The following LHFPL2 variants were observed in gnomAD, a reference collection of about 807,000 sequenced individuals.
LHFPL2 encodes LHFPL tetraspan subfamily member 2.
Under a neutral mutation model 17.5 loss-of-function variants are expected in LHFPL2, and 7 were observed. The observed-to-expected ratio is 0.40, with a 90% confidence interval of 0.23 to 0.75. The LOEUF is 0.75. Ranked by LOEUF, LHFPL2 falls within the 30% of genes least tolerant of loss-of-function variation. The pLI, the probability that LHFPL2 is intolerant of heterozygous loss-of-function variation, is 0.37. For missense variants in LHFPL2, 241 were observed against 294.8 expected, an observed-to-expected ratio of 0.82 and a Z score of 1.34; for synonymous variants, 134 against 116.2, an observed-to-expected ratio of 1.15 and a Z score of -0.99.
Position 78,510,077 on chromosome 5 carries a change from G to A in LHFPL2, c.137C>T (p.Pro46Leu), listed in dbSNP as rs746462520. 4.3e-6 allele frequency: 7 copies of A among 1,612,338 alleles called. No individual in the cohort carries two copies. Among genetic ancestry groups the A allele is most frequent in the Non-Finnish European group, 5.9e-6 (7 of 1,179,224 alleles). Residue 46 changes from proline (P) to leucine (L), a missense_variant, in exon 4 of 5, where the codon CCG (proline) becomes CTG (leucine). Physicochemically the swap from Pro to Leu is moderately conservative, Grantham distance 98 (BLOSUM62 -3). Coordinates refer to ENST00000380345, the MANE Select transcript of LHFPL2 (RefSeq NM_005779.3). Reference protein sequence around the residue: ...GKARSRGGVEPAGPGGGSPEP... With the variant: ...GKARSRGGVELAGPGGGSPEP... Reference sequence around the variant, plus strand: ...CGGGGAGCCCCCGCCCGGGCCCGCCGGCTCCACGCCGCCGCGGCTCCTCGC... The same window carrying A: ...CGGGGAGCCCCCGCCCGGGCCCGCCAGCTCCACGCCGCCGCGGCTCCTCGC...
chr5:78,551,547 T>C (rs1756442040), intron 3 of LHFPL2, among the ~76,000 whole-genome samples: 1 of 152,054 alleles, frequency 6.6e-6, no homozygotes, highest in Non-Finnish European at 1.5e-5. Context: ...TCTAACAAGG[T>C]AGCTATTCAA....
chr5:78,568,258 C>T (rs894109764), intron 2 of LHFPL2, among the ~76,000 whole-genome samples: 1 of 152,188 alleles, frequency 6.6e-6, no homozygotes, highest in African/African-American at 2.4e-5. Context: ...AAAGTAGGCA[C>T]TGTTTATTCC....
At chr5:78,570,857 A>G (rs1756982124) in intron 2 of LHFPL2, among the ~76,000 whole-genome samples, 2 of 152,070 alleles carry the variant, frequency 1.3e-5, no homozygotes, top group African/African-American at 4.8e-5. Context: ...GCAGTGAATA[A>G]CTTGGGCTGT....
chr5:78,537,861 C>A (rs570974352), intron 3 of LHFPL2, among the ~76,000 whole-genome samples: 1 of 152,070 alleles, frequency 6.6e-6, no homozygotes, highest in Non-Finnish European at 1.5e-5. Context: ...ATATAAAATG[C>A]GAAAGCTTCT....
chr5:78,580,914 T>C (rs968606551), intron 2 of LHFPL2, among the ~76,000 whole-genome samples: 78 of 152,340 alleles, frequency 5.1e-4, no homozygotes, highest in Non-Finnish European at 9.4e-4. Context: ...GGGGATGGCA[T>C]TGAATCTACA....
intron 3 of LHFPL2, among the ~76,000 whole-genome samples, chr5:78,552,067 T>TC (rs1428115353): frequency 6.6e-6 from 1 of 152,172 alleles, no homozygotes; most frequent in African/African-American, 2.4e-5. Context: ...CTGAAGGCAC[T>TC]CGTGTATACG....
intron 3 of LHFPL2, among the ~76,000 whole-genome samples, chr5:78,561,319 T>C (rs967303965): frequency 7.9e-5 from 12 of 152,248 alleles, no homozygotes; most frequent in African/African-American, 2.2e-4. Flanking sequence ...ACTAGTCATA[T>C]GTCAAGTGCT....
intron 2 of LHFPL2, among the ~76,000 whole-genome samples, chr5:78,623,450 T>C (rs938319680): frequency 3.9e-5 from 6 of 152,192 alleles, no homozygotes; most frequent in Non-Finnish European, 7.3e-5. Flanking sequence ...TAGACCCCCA[T>C]AGATTGCTTT....
At chr5:78,530,437 G>A (rs1467385131) in intron 3 of LHFPL2, among the ~76,000 whole-genome samples, 1 of 152,210 alleles carries the variant, frequency 6.6e-6, no homozygotes, top group Non-Finnish European at 1.5e-5. Context: ...CATCCCAAGA[G>A]ATTTGTCTAC....
rs1400318509 is a variant in LHFPL2 at position 78,487,634 on chromosome 5, A to G, written c.*1263T>C. The G allele has an allele frequency of 1.3e-5, 2 of 152,168 alleles. No homozygotes were observed. The highest frequency in any genetic ancestry group is 4.8e-5 in the African/African-American group (2 of 41,434). 9.4% of individuals were successfully genotyped at this position (152,168 alleles called of 1,614,324 possible). A position where few individuals can be genotyped will look rare whatever the true frequency, so the allele number is the denominator to read the frequency against. Reference sequence around the variant, plus strand: ...AATCAGTGATATTGGTAATTTATGGAAAGTAGATTAAAAACCCCTGAATCC... The same window carrying G: ...AATCAGTGATATTGGTAATTTATGGGAAGTAGATTAAAAACCCCTGAATCC... On this transcript the variant is annotated 3_prime_UTR_variant, in exon 5 of 5. Transcript: ENST00000380345.
At chr5:78,632,775 T>C (rs1341828012) in intron 1 of LHFPL2, among the ~76,000 whole-genome samples, 3 of 152,142 alleles carry the variant, frequency 2.0e-5, no homozygotes, top group African/African-American at 7.2e-5. Flanking sequence ...ATGCAGCTGA[T>C]AGGAGCTGAA....
intron 4 of LHFPL2, among the ~76,000 whole-genome samples, chr5:78,500,812 A>AG: frequency 6.6e-6 from 1 of 152,170 alleles, no homozygotes; most frequent in Non-Finnish European, 1.5e-5. Flanking sequence ...TTCAGTGATG[A>AG]CCAGTTCTGA....
At chr5:78,559,712 G>T (rs1756672932) in intron 3 of LHFPL2, among the ~76,000 whole-genome samples, 1 of 152,178 alleles carries the variant, frequency 6.6e-6, no homozygotes, top group South Asian at 2.1e-4. Flanking sequence ...AAAGGGAGAA[G>T]GTTGTTACAC....
intron 3 of LHFPL2, among the ~76,000 whole-genome samples, chr5:78,547,137 C>A (rs888046061): frequency 2.0e-5 from 3 of 152,132 alleles, no homozygotes; most frequent in African/African-American, 7.2e-5. Context: ...GGGCGCTGAT[C>A]TAAACCATCC....
intron 1 of LHFPL2, among the ~76,000 whole-genome samples, chr5:78,636,024 A>ACACACACACG (rs1184191247): frequency 6.7e-6 from 1 of 148,548 alleles, no homozygotes; most frequent in African/African-American, 2.5e-5. Flanking sequence ...ACACACGCGC[A>ACACACACACG]CACAAACACC....
chr5:78,623,904 C>CA (rs1744945758), intron 2 of LHFPL2, among the ~76,000 whole-genome samples: 1 of 152,192 alleles, frequency 6.6e-6, no homozygotes, highest in Non-Finnish European at 1.5e-5. Flanking sequence ...ATATCAGTGC[C>CA]AAAAAACAGC....
intron 3 of LHFPL2, among the ~76,000 whole-genome samples, chr5:78,557,175 T>C (rs344651): frequency 0.17 from 26,311 of 152,168 alleles, 2,684 homozygotes; most frequent in East Asian, 0.48. Flanking sequence ...TGCTTTAAGA[T>C]GTGCAGATGA....
intron 2 of LHFPL2, among the ~76,000 whole-genome samples, chr5:78,592,046 C>A (rs1354782191): frequency 6.6e-6 from 1 of 152,178 alleles, no homozygotes; most frequent in Non-Finnish European, 1.5e-5. Flanking sequence ...TGGTTCCCTT[C>A]AACTCATTTT....
intron 2 of LHFPL2, among the ~76,000 whole-genome samples, chr5:78,601,901 T>C (rs1193138215): frequency 2.6e-5 from 4 of 152,148 alleles, no homozygotes; most frequent in Non-Finnish European, 5.9e-5. Context: ...TGCTCCACAA[T>C]CATAAATACT....
Sources: allele counts gnomAD v4.1 joint callset (sites outside exome capture counted in the v4.1 genomes callset), GRCh38; gene constraint gnomAD v4.1.1; transcripts MANE v1.5; gene names NCBI Gene and HGNC (gene_info 2026-07-23, HGNC 2026-07-21).